Variants in ADARB2 observed in about 807,000 individuals in gnomAD.
The protein encoded by ADARB2 is inactive double-stranded RNA-specific editase B2.
In ADARB2, 25 loss-of-function variants were observed where a neutral mutation model predicts 62.2. The observed-to-expected ratio is 0.40, with a 90% confidence interval of 0.29 to 0.56. The LOEUF (loss-of-function observed/expected upper bound fraction) is 0.56. Ranked by LOEUF, ADARB2 falls within the 20% of genes least tolerant of loss-of-function variation. The pLI, the probability that ADARB2 is intolerant of heterozygous loss-of-function variation, is 0.43. For missense variants in ADARB2, 1,071 were observed against 1,077.4 expected (o/e 0.99, Z 0.08); for synonymous variants, 572 against 500.8 (o/e 1.14, Z -1.90).
At chr10:1,484,096 T>C (rs1056951512) in intron 1 of ADARB2, among the ~76,000 whole-genome samples, 1 of 152,206 alleles carries the variant, frequency 6.6e-6, no homozygotes, top group South Asian at 2.1e-4. Context: ...AATAAGCCCA[T>C]AAGCACAACT....
intron 1 of ADARB2, among the ~76,000 whole-genome samples, chr10:1,419,008 GAAA>G (rs1290729877): frequency 6.6e-6 from 1 of 152,222 alleles, no homozygotes; most frequent in Admixed American, 6.5e-5. Context: ...GTGTGGCTAA[GAAA>G]AGGGATGTTT....
intron 3 of ADARB2, among the ~76,000 whole-genome samples, chr10:1,334,076 C>T (rs1263170712): frequency 6.6e-6 from 1 of 152,162 alleles, no homozygotes; most frequent in East Asian, 1.9e-4. Context: ...TTTAACTTTT[C>T]AGGTAGGCAG....
At chr10:1,580,897 C>T (rs372376977) in intron 1 of ADARB2, among the ~76,000 whole-genome samples, 1 of 152,246 alleles carries the variant, frequency 6.6e-6, no homozygotes, top group African/African-American at 2.4e-5. Flanking sequence ...CAGGTTCTTC[C>T]ATGGCTTGAT....
At chr10:1,631,065 GC>G (rs772936713) in intron 1 of ADARB2, among the ~76,000 whole-genome samples, 6 of 152,162 alleles carry the variant, frequency 3.9e-5, no homozygotes, top group Non-Finnish European at 7.4e-5. Context: ...GCCACCACCC[GC>G]GGTGAAGTGT....
intron 1 of ADARB2, among the ~76,000 whole-genome samples, chr10:1,713,883 G>T (rs771526666): frequency 1.1e-4 from 16 of 152,312 alleles, no homozygotes; most frequent in Admixed American, 9.1e-4. Flanking sequence ...AATGATATCT[G>T]CCATACAAGC....
At chr10:1,689,330 A>G (rs1490500030) in intron 1 of ADARB2, among the ~76,000 whole-genome samples, 4 of 152,220 alleles carry the variant, frequency 2.6e-5, no homozygotes, top group African/African-American at 9.6e-5. Context: ...CAGGAGGGCT[A>G]CGTGCCCTGG....
At chr10:1,494,195 A>G (rs61831908) in intron 1 of ADARB2, among the ~76,000 whole-genome samples, 23,539 of 152,158 alleles carry the variant, frequency 0.15, 2,212 homozygotes, top group Middle Eastern at 0.23. Flanking sequence ...ATAAATGTTA[A>G]GTATATTTTC....
At chr10:1,669,347 G>C (rs910129965) in intron 1 of ADARB2, among the ~76,000 whole-genome samples, 39 of 152,144 alleles carry the variant, frequency 2.6e-4, no homozygotes, top group African/African-American at 9.2e-4. Flanking sequence ...TGAAAGTCAG[G>C]CTCCCTGGAA....
At chr10:1,500,950 C>T (rs1327101335) in intron 1 of ADARB2, among the ~76,000 whole-genome samples, 2 of 152,218 alleles carry the variant, frequency 1.3e-5, no homozygotes, top group East Asian at 1.9e-4. Flanking sequence ...TCTGTGCTCA[C>T]TGCAACCTCC....
intron 3 of ADARB2, among the ~76,000 whole-genome samples, chr10:1,285,991 T>C (rs1831409237): frequency 7.2e-6 from 1 of 138,780 alleles, no homozygotes; most frequent in Non-Finnish European, 1.5e-5. Context: ...TGCACGTGGG[T>C]GGGGCAATGC....
Position 1,531,082 on chromosome 10 carries a change from T to C in ADARB2, c.101-151922A>G, listed in dbSNP as rs1347396890. Among the ~76,000 whole-genome samples the C allele has an allele frequency of 2.0e-5, 3 of 152,204 alleles. No individual in the cohort carries two copies. In the South Asian group the frequency reaches 6.2e-4, roughly 32 times the overall value. On this transcript the variant is annotated intron_variant, in intron 1 of 9. Transcript: ENST00000381312. ...CTTTTGGACAAGCCCTGCGCCATGA[T>C]AGCTGGCGATCCACAGCCTACCATG...
Position 1,485,396 on chromosome 10 carries a change from A to G in ADARB2, c.101-106236T>C, listed in dbSNP as rs191257348. Among the ~76,000 whole-genome samples the G allele has an allele frequency of 2.0e-5, 3 of 152,196 alleles. No homozygotes were observed. The East Asian group carries it at 5.8e-4, about 29-fold the overall frequency. On this transcript the variant is annotated intron_variant, in intron 1 of 9. Coordinates refer to ENST00000381312, the MANE Select transcript of ADARB2 (RefSeq NM_018702.4). ...TGCACTAATAGATAGATCTCTACCT[A>G]AGAGGCATGGATATAGGTGCAGATG...
At chr10:1,524,639 C>T (rs1832117772) in intron 1 of ADARB2, among the ~76,000 whole-genome samples, 1 of 152,152 alleles carries the variant, frequency 6.6e-6, no homozygotes, top group African/African-American at 2.4e-5. Context: ...TGAGTGTTTG[C>T]TGTAGGCAGA....
intron 1 of ADARB2, among the ~76,000 whole-genome samples, chr10:1,388,994 A>G (rs1011416560): frequency 1.3e-5 from 2 of 152,230 alleles, no homozygotes; most frequent in African/African-American, 4.8e-5. Context: ...AATAGAATCA[A>G]GTCTGTATGA....
intron 1 of ADARB2, among the ~76,000 whole-genome samples, chr10:1,651,864 G>A (rs950671092): frequency 1.3e-5 from 2 of 152,142 alleles, no homozygotes; most frequent in African/African-American, 4.8e-5. Context: ...ACCCAGGGTT[G>A]GTTCCCAGTG....
intron 2 of ADARB2, among the ~76,000 whole-genome samples, chr10:1,370,030 T>G (rs1427132889): frequency 6.6e-6 from 1 of 152,318 alleles, no homozygotes; most frequent in Middle Eastern, 3.4e-3. Context: ...TGTAACAGTT[T>G]TAGCATTCTC....
intron 3 of ADARB2, among the ~76,000 whole-genome samples, chr10:1,271,500 C>G (rs570297583): frequency 7.2e-5 from 11 of 152,206 alleles, no homozygotes; most frequent in Non-Finnish European, 2.9e-5. Flanking sequence ...GCTCTTCTGG[C>G]AAAATGGCTG....
At chr10:1,451,348 C>T (rs1285117994) in intron 1 of ADARB2, among the ~76,000 whole-genome samples, 2 of 152,220 alleles carry the variant, frequency 1.3e-5, no homozygotes, top group Non-Finnish European at 2.9e-5. Context: ...GTGTGCACCT[C>T]ACTCAGCCAC....
chr10:1,501,871 A>G (rs1312247027), intron 1 of ADARB2, among the ~76,000 whole-genome samples: 3 of 152,240 alleles, frequency 2.0e-5, no homozygotes, highest in African/African-American at 7.2e-5. Context: ...GGACAAAGCC[A>G]TTTGATTCAT....
Sources: gnomAD v4.1 joint callset for allele counts (sites outside exome capture counted in the v4.1 genomes callset) on GRCh38, gnomAD v4.1.1 for gene constraint, MANE v1.5 for transcripts, NCBI Gene and HGNC (gene_info 2026-07-23, HGNC 2026-07-21) for gene names.